The following FAM78B variants were observed in gnomAD, a reference collection of about 807,000 sequenced individuals.
The protein encoded by FAM78B is family with sequence similarity 78 member B.
FAM78B carries 10 observed loss-of-function variants against 20.0 expected under a neutral mutation model. The ratio of observed to expected loss-of-function variants is 0.50; its 90% CI spans 0.31 to 0.85. The LOEUF (loss-of-function observed/expected upper bound fraction) is 0.85, where lower values mean the gene tolerates loss of function less well. Ranked by LOEUF, FAM78B falls within the 40% of genes least tolerant of loss-of-function variation. The pLI, the probability that FAM78B is intolerant of heterozygous loss-of-function variation, is 0.05. For missense variants in FAM78B, 283 were observed against 345.0 expected (o/e 0.82, Z 1.42); for synonymous variants, 135 against 132.8 (o/e 1.02, Z -0.12).
At chr1:166,074,225 T>C (rs1652169432) in intron 1 of FAM78B, among the ~76,000 whole-genome samples, 1 of 152,166 alleles carries the variant, frequency 6.6e-6, no homozygotes, top group South Asian at 2.1e-4. Flanking sequence ...TCATCTGGCC[T>C]CCCCATCTCC....
At chr1:166,156,259 T>A (rs1655890836) in intron 1 of FAM78B, among the ~76,000 whole-genome samples, 1 of 152,250 alleles carries the variant, frequency 6.6e-6, no homozygotes, top group African/African-American at 2.4e-5. Context: ...GCCTGAAAAT[T>A]TCTCTTTGCG....
At chr1:166,138,433 T>C (rs1313841949) in intron 1 of FAM78B, among the ~76,000 whole-genome samples, 1 of 152,094 alleles carries the variant, frequency 6.6e-6, no homozygotes, top group East Asian at 1.9e-4. Context: ...TAAAGTACTA[T>C]TTTTTAGGTG....
downstream of FAM78B, among the ~76,000 whole-genome samples, chr1:166,064,517 AT>A (rs1181821682): frequency 6.6e-6 from 1 of 152,008 alleles, no homozygotes; most frequent in African/African-American, 2.4e-5. Flanking sequence ...CCAGCTACAC[AT>A]TCTTTCTAGA....
At chr1:166,136,901 T>C (rs1655085803) in intron 1 of FAM78B, among the ~76,000 whole-genome samples, 1 of 152,216 alleles carries the variant, frequency 6.6e-6, no homozygotes, top group South Asian at 2.1e-4. Flanking sequence ...CACACAGTTG[T>C]CAAGCACTGA....
intron 1 of FAM78B, among the ~76,000 whole-genome samples, chr1:166,078,951 A>G (rs1167801415): frequency 1.4e-5 from 2 of 142,222 alleles, no homozygotes; most frequent in Non-Finnish European, 3.1e-5. Context: ...TTTTCTTTAG[A>G]GATGGGGTCT....
intron 1 of FAM78B, among the ~76,000 whole-genome samples, chr1:166,117,373 A>T (rs1265554404): frequency 6.6e-6 from 1 of 150,948 alleles, no homozygotes; most frequent in Non-Finnish European, 1.5e-5. Flanking sequence ...TTTTATTATT[A>T]TTTTTTTTTG....
At chr1:166,059,650 T>G (rs747951312) in exon 3 of FAM78B, 2 of 152,248 alleles carry the variant, frequency 1.3e-5, no homozygotes, top group Non-Finnish European at 1.5e-5. Flanking sequence ...ATGAGAAGAC[T>G]GGTGCAAGGT....
chr1:166,140,450 G>A (rs1412737607), intron 1 of FAM78B, among the ~76,000 whole-genome samples: 1 of 152,230 alleles, frequency 6.6e-6, no homozygotes, highest in Non-Finnish European at 1.5e-5. Flanking sequence ...CAGCATTACA[G>A]GGCTTCGGGC....
At chr1:166,079,033 G>A (rs2101720757) in intron 1 of FAM78B, among the ~76,000 whole-genome samples, 1 of 151,292 alleles carries the variant, frequency 6.6e-6, no homozygotes, top group East Asian at 2.0e-4. Context: ...CTGGGCTCAA[G>A]TGATCCTCCC....
chr1:166,104,445 C>G (rs1653678354), intron 1 of FAM78B, among the ~76,000 whole-genome samples: 1 of 152,158 alleles, frequency 6.6e-6, no homozygotes, highest in South Asian at 2.1e-4. Flanking sequence ...GATTGTATAT[C>G]TAGAAAACCC....
Position 166,061,325 on chromosome 1 carries a change from C to T in FAM78B, c.*410-662G>A, listed in dbSNP as rs1280120486. Among the ~76,000 whole-genome samples the T allele has an allele frequency of 2.6e-5, 4 of 152,064 alleles. 1 individual carries two copies. Among genetic ancestry groups the T allele is most frequent in the Non-Finnish European group, 5.9e-5 (4 of 68,022 alleles). ...AGGGTAAAGCCAAGCATCAGGCATC[C>T]TTCTCTTTTTTTTTCTTGATCATTC... On this transcript the variant is annotated intron_variant and NMD_transcript_variant, in intron 2 of 2. Coordinates refer to the FAM78B transcript ENST00000435676.
chr1:166,094,776 G>T (rs1241563150), intron 1 of FAM78B, among the ~76,000 whole-genome samples: 1 of 152,196 alleles, frequency 6.6e-6, no homozygotes. Context: ...GTTAAGACAT[G>T]CCGGGAGGGA....
At chr1:166,089,722 G>A (rs1652989999) in intron 1 of FAM78B, among the ~76,000 whole-genome samples, 1 of 152,116 alleles carries the variant, frequency 6.6e-6, no homozygotes, top group Non-Finnish European at 1.5e-5. Flanking sequence ...CTGGAATGGG[G>A]GGTGAGGGGG....
At chr1:166,058,537 AGT>A (rs1651446059) in exon 3 of FAM78B, 1 of 132,738 alleles carries the variant, frequency 7.5e-6, no homozygotes, top group Non-Finnish European at 1.7e-5. Flanking sequence ...GTGTGTGTGT[AGT>A]GTGTCTAACA....
rs556623185 is a variant in FAM78B, at chr1:166,079,253, C to T, written c.264-8490G>A. Among the ~76,000 whole-genome samples, 24 of 152,300 alleles carry T rather than the reference C, an allele frequency of 1.6e-4. 1 individual carries two copies. The highest frequency in any genetic ancestry group is 1.4e-3 in the Admixed American group (22 of 15,300). On this transcript the variant is annotated intron_variant, in intron 1 of 1. Transcript: ENST00000354422. Reference sequence around the variant, plus strand: ...TGGCTGGCCTTACCCTTTTAAGAGACCCACTCTGGTATCTTCTGGCCATGC... The same window carrying T: ...TGGCTGGCCTTACCCTTTTAAGAGATCCACTCTGGTATCTTCTGGCCATGC...
At chr1:166,065,793 T>C (rs887704863), downstream of FAM78B, among the ~76,000 whole-genome samples, 4 of 152,224 alleles carry the variant, frequency 2.6e-5, no homozygotes, top group African/African-American at 4.8e-5. Context: ...GGTAAAAATA[T>C]CTGTGTGCAC....
intron 1 of FAM78B, among the ~76,000 whole-genome samples, chr1:166,143,202 A>G (rs1433762325): frequency 6.6e-6 from 1 of 152,224 alleles, no homozygotes; most frequent in Non-Finnish European, 1.5e-5. Context: ...ATTAATATAT[A>G]GTAGAGGCTG....
At chr1:166,085,510 TG>T (rs1652793184) in intron 1 of FAM78B, among the ~76,000 whole-genome samples, 3 of 152,246 alleles carry the variant, frequency 2.0e-5, no homozygotes, top group Admixed American at 2.0e-4. Context: ...AAGGAGACAC[TG>T]ATAAAGACAT....
At chr1:166,100,530 A>C (rs1199885766) in intron 1 of FAM78B, among the ~76,000 whole-genome samples, 1 of 152,208 alleles carries the variant, frequency 6.6e-6, no homozygotes, top group Non-Finnish European at 1.5e-5. Flanking sequence ...AGCAGACAGC[A>C]CACCAGGAGA....
Sources: gnomAD v4.1 joint callset for allele counts (sites outside exome capture counted in the v4.1 genomes callset) on GRCh38, gnomAD v4.1.1 for gene constraint, MANE v1.5 for transcripts, NCBI Gene and HGNC (gene_info 2026-07-23, HGNC 2026-07-21) for gene names.